Variants in HIVEP3 observed in about 807,000 individuals in gnomAD.
HIVEP3 encodes transcription factor HIVEP3.
HIVEP3 carries 49 observed loss-of-function variants against 152.8 expected under a neutral mutation model. The observed-to-expected ratio is 0.32, with a 90% CI of 0.26 to 0.41. The LOEUF (loss-of-function observed/expected upper bound fraction) is 0.41, where lower values mean the gene tolerates loss of function less well. Among genes scored for constraint, HIVEP3 ranks in the 10% least tolerant of loss-of-function variants. The pLI, the probability that HIVEP3 is intolerant of heterozygous loss-of-function variation, is 1.00. For synonymous variants in HIVEP3, 1,269 were observed against 1,289.0 expected (o/e 0.98, Z 0.33); for missense variants, 2,790 against 3,103.3 (o/e 0.90, Z 2.40).
At chr1:41,570,850 A>C (rs1020608516) in intron 5 of HIVEP3, among the ~76,000 whole-genome samples, 1 of 152,260 alleles carries the variant, frequency 6.6e-6, no homozygotes, top group African/African-American at 2.4e-5. Context: ...GAGAGAAGCC[A>C]GGAGGAAAGA....
intron 1 of HIVEP3, among the ~76,000 whole-genome samples, chr1:41,743,220 A>C (rs563256283): frequency 6.6e-6 from 1 of 152,248 alleles, no homozygotes; most frequent in South Asian, 2.1e-4. Context: ...CACAACAAAA[A>C]ACTTTCCCCT....
rs1278443430 is a variant in HIVEP3 at position 41,580,499 on chromosome 1, T to G, written c.4299A>C (p.Ser1433=). The G allele has an allele frequency of 1.9e-6, 3 of 1,614,064 alleles. No homozygotes were observed. The African/African-American group carries it at 4.0e-5, about 22-fold the overall frequency. ...TGGTAAGTTCAAGGCTGCCAGCTGG[T>G]GAAAGGACACGTTTGCTTCCCCCTG... ...STAGGSKRVL[S]PAGSLELTME... is the part of the protein sequence containing the mutation. Residue 1433 remains serine (S), a synonymous_variant, in exon 4 of 9, where the codon TCA becomes TCC. Transcript: ENST00000372583.
At chr1:41,764,311 C>A (rs765529992) in intron 1 of HIVEP3, among the ~76,000 whole-genome samples, 1 of 152,064 alleles carries the variant, frequency 6.6e-6, no homozygotes, top group Non-Finnish European at 1.5e-5. Flanking sequence ...ATAGCCCAGG[C>A]AGGAGGGCCT....
intron 1 of HIVEP3, among the ~76,000 whole-genome samples, chr1:41,974,098 C>G (rs187871655): frequency 1.3e-5 from 2 of 152,156 alleles, no homozygotes; most frequent in East Asian, 3.9e-4. Flanking sequence ...TGGAAGAGAG[C>G]TGGATGCGTT....
chr1:41,713,123 C>T (rs935498715), intron 1 of HIVEP3, among the ~76,000 whole-genome samples: 5 of 152,166 alleles, frequency 3.3e-5, no homozygotes, highest in Non-Finnish European at 7.4e-5. Context: ...AAATAAAAGG[C>T]CCCCAGGAGC....
At chr1:41,718,773 C>CA (rs1491258751) in intron 1 of HIVEP3, among the ~76,000 whole-genome samples, 1 of 139,272 alleles carries the variant, frequency 7.2e-6, no homozygotes, top group Non-Finnish European at 1.5e-5. Flanking sequence ...CTCTTTCACA[C>CA]CCACACACAC....
intron 1 of HIVEP3, among the ~76,000 whole-genome samples, chr1:41,839,498 A>T (rs111340542): frequency 0.014 from 2,122 of 152,302 alleles, 50 homozygotes; most frequent in African/African-American, 0.048. Flanking sequence ...TCTTTGACCC[A>T]GGAGATGAAG....
chr1:41,921,864 A>G (rs995653719), upstream of HIVEP3, among the ~76,000 whole-genome samples: 1 of 152,136 alleles, frequency 6.6e-6, no homozygotes. Context: ...GAATAGGGGC[A>G]GGATATCAGC....
intron 1 of HIVEP3, among the ~76,000 whole-genome samples, chr1:41,864,203 T>C (rs571106473): frequency 6.6e-6 from 1 of 152,160 alleles, no homozygotes; most frequent in Non-Finnish European, 1.5e-5. Flanking sequence ...TTTGGGTTTA[T>C]AGCACCCTGG....
chr1:41,570,885 C>T (rs1031722070), intron 5 of HIVEP3, among the ~76,000 whole-genome samples: 1 of 152,194 alleles, frequency 6.6e-6, no homozygotes, highest in Non-Finnish European at 1.5e-5. Context: ...ACACAGTCAC[C>T]TTCTTCTGGA....
intron 1 of HIVEP3, among the ~76,000 whole-genome samples, chr1:41,787,723 A>AG (rs1225572189): frequency 2.6e-5 from 4 of 151,096 alleles, no homozygotes; most frequent in African/African-American, 9.8e-5. Flanking sequence ...TAGAGAAAAA[A>AG]TAGAGAAAAC....
chr1:41,909,711 C>G (rs1015592595), intron 1 of HIVEP3, among the ~76,000 whole-genome samples: 1 of 152,072 alleles, frequency 6.6e-6, no homozygotes, highest in Non-Finnish European at 1.5e-5. Flanking sequence ...CCAAGCCTTA[C>G]AGTAAGCTTC....
intron 1 of HIVEP3, among the ~76,000 whole-genome samples, chr1:41,715,585 T>C (rs772983656): frequency 3.3e-5 from 5 of 152,182 alleles, no homozygotes; most frequent in Non-Finnish European, 7.3e-5. Context: ...AGCCAAGGAT[T>C]AGAAAGAGGC....
Position 41,638,560 on chromosome 1 carries a change from C to T in HIVEP3, c.-720-9613G>A, listed in dbSNP as rs918706374. Among the ~76,000 whole-genome samples, 8 of 152,136 alleles carry T rather than the reference C, an allele frequency of 5.3e-5. No homozygotes were observed. In the East Asian group the frequency reaches 1.5e-3, roughly 29 times the overall value. On this transcript the variant is annotated intron_variant, in intron 2 of 8. Transcript: ENST00000372583. ...GTAAATTATGTTATGTGTATTTTACCATAATAAAAATTGAGAAACTGATAT... is the reference window on the plus strand; with the variant it reads ...GTAAATTATGTTATGTGTATTTTACTATAATAAAAATTGAGAAACTGATAT...
At chr1:41,901,276 GT>G (rs1644618148) in intron 1 of HIVEP3, among the ~76,000 whole-genome samples, 1 of 152,088 alleles carries the variant, frequency 6.6e-6, no homozygotes, top group Admixed American at 6.6e-5. Context: ...ATGTGGGAAG[GT>G]GCTGAGCCGA....
At chr1:41,927,163 A>C (rs1179276618) in intron 1 of HIVEP3, among the ~76,000 whole-genome samples, 1 of 152,202 alleles carries the variant, frequency 6.6e-6, no homozygotes, top group Non-Finnish European at 1.5e-5. Flanking sequence ...TTCTAGTACA[A>C]AAGGAGTGTG....
chr1:41,625,126 G>A (rs1645098084), intron 3 of HIVEP3, among the ~76,000 whole-genome samples: 1 of 116,464 alleles, frequency 8.6e-6, no homozygotes, highest in Non-Finnish European at 1.6e-5. Context: ...TCATGCCATT[G>A]CACTCCAGCC....
intron 1 of HIVEP3, among the ~76,000 whole-genome samples, chr1:41,931,644 C>T (rs1268023304): frequency 1.3e-5 from 2 of 151,938 alleles, no homozygotes; most frequent in East Asian, 3.8e-4. Flanking sequence ...ATTGCTTTCA[C>T]CAGGATTTTC....
intron 5 of HIVEP3, among the ~76,000 whole-genome samples, chr1:41,558,014 G>A (rs1052182530): frequency 2.6e-5 from 4 of 152,188 alleles, no homozygotes; most frequent in East Asian, 1.9e-4. Context: ...GGAGCTACAC[G>A]GAGGTGGAGG....
Sources: gnomAD v4.1 joint callset for allele counts (sites outside exome capture counted in the v4.1 genomes callset) on GRCh38, gnomAD v4.1.1 for gene constraint, MANE v1.5 for transcripts, NCBI Gene and HGNC (gene_info 2026-07-23, HGNC 2026-07-21) for gene names.